Variants in MBOAT7 observed in about 807,000 individuals in gnomAD.
MBOAT7 encodes membrane-bound acylglycerophosphatidylinositol O-acyltransferase MBOAT7.
A neutral mutation model predicts 47.4 loss-of-function variants in MBOAT7; 40 were observed. The ratio of observed to expected loss-of-function variants is 0.84; its 90% CI spans 0.66 to 1.10. MBOAT7 has a LOEUF of 1.10. MBOAT7 is among the 50% of genes least tolerant of loss of function. The pLI, the probability that MBOAT7 is intolerant of heterozygous loss-of-function variation, is 0.00. For synonymous variants in MBOAT7, 361 were observed against 292.0 expected (o/e 1.24, Z -2.41); for missense variants, 680 against 655.6 (o/e 1.04, Z -0.41).
At chr19:54,177,920 T>G (rs2076156884) in intron 7 of MBOAT7, among the ~76,000 whole-genome samples, 1 of 92,680 alleles carries the variant, frequency 1.1e-5, no homozygotes, top group African/African-American at 3.5e-5. Context: ...TTTTTTTTTT[T>G]TTTTTTTTTT....
chr19:54,174,137 C>T lies in MBOAT7; in HGVS notation c.1326G>A (p.Gly442=). 1 of 1,600,618 alleles carries T rather than the reference C, an allele frequency of 6.2e-7. No homozygotes were observed. The highest frequency in any genetic ancestry group is 2.3e-5 in the East Asian group (1 of 44,432). Reference sequence around the variant, plus strand: ...TGCCCCCACCTAAAGCCAGCCCCAGCCCCAGGGCTGCCAGGGCCAGGAAGT... The same window carrying T: ...TGCCCCCACCTAAAGCCAGCCCCAGTCCCAGGGCTGCCAGGGCCAGGAAGT... The part of the protein sequence containing the change: ...CIHFLALAAL[G]LGLALGGGSP... Residue 442 remains glycine, a synonymous_variant, in exon 8 of 8, where the codon GGG becomes GGA. Coordinates refer to ENST00000245615, the MANE Select transcript of MBOAT7 (RefSeq NM_024298.5).
rs1336219987 is a variant in MBOAT7 at position 54,174,018 on chromosome 19, G to C, written c.*26C>G. 3 of 1,545,272 alleles carry C rather than the reference G, an allele frequency of 1.9e-6. No individual in the cohort carries two copies. The South Asian group carries it at 3.7e-5, about 19-fold the overall frequency. ...CTGGTTCACAGAATTCCCGGGACCA[G>C]CTGGCAGAGGGAGCGTCGTGACAGC... On this transcript the variant is annotated 3_prime_UTR_variant, in exon 8 of 8. Coordinates refer to ENST00000245615, the MANE Select transcript of MBOAT7 (RefSeq NM_024298.5).
chr19:54,178,662 C>A (rs933653755), intron 7 of MBOAT7, 103 bp downstream of exon 7: 1 of 1,497,852 alleles, frequency 6.7e-7, no homozygotes. Context: ...TTCCCATGAG[C>A]CTCCGGGGGC....
Position 54,178,950 on chromosome 19 carries a change from TG to T in MBOAT7, c.855-10del, listed in dbSNP as rs780899590. The T allele has an allele frequency of 1.9e-6, 3 of 1,609,614 alleles. No individual in the cohort carries two copies. In the African/African-American group the frequency reaches 4.0e-5, roughly 22 times the overall value. ...AAGCCGCCTTCTCCGGACTGGGGGGTGGAGGATGAGGGTGGGGGACAGACAT... is the reference window on the plus strand; with the variant it reads ...AAGCCGCCTTCTCCGGACTGGGGGGTGAGGATGAGGGTGGGGGACAGACAT... On this transcript the variant is annotated splice_polypyrimidine_tract_variant and intron_variant, in intron 6 of 7. Coordinates refer to ENST00000245615, the MANE Select transcript of MBOAT7 (RefSeq NM_024298.5).
intron 4 of MBOAT7, among the ~76,000 whole-genome samples, chr19:54,185,379 C>A (rs1334029561): frequency 1.3e-5 from 2 of 152,072 alleles, no homozygotes; most frequent in Non-Finnish European, 2.9e-5. Context: ...CTTTTTCCAT[C>A]CAGGTACCAC....
intron 4 of MBOAT7, among the ~76,000 whole-genome samples, chr19:54,184,014 C>T (rs2076359488): frequency 6.6e-6 from 1 of 152,094 alleles, no homozygotes; most frequent in Non-Finnish European, 1.5e-5. Context: ...TCTCCAGGCA[C>T]CCCAAACGCA....
chr19:54,177,832 G>C (rs1173616811), intron 7 of MBOAT7, among the ~76,000 whole-genome samples: 1 of 148,786 alleles, frequency 6.7e-6, no homozygotes, highest in Admixed American at 6.7e-5. Context: ...TGATCCACCT[G>C]CCTGGGCCTC....
At position 54,180,918 on chromosome 19, in the gene MBOAT7, CG is replaced by C; in HGVS notation, c.708del (p.Val237SerfsTer86). 6.3e-7 allele frequency: 1 copy of C among 1,598,118 alleles called. No individual in the cohort carries two copies. The highest frequency in any genetic ancestry group is 1.3e-5 in the African/African-American group (1 of 74,956). ...AAGCGCATGCGGAAGGCGAAGAAGACGGGGATCATGTAGAAGAGGCGGGCGG... is the reference window on the plus strand; with the variant it reads ...AAGCGCATGCGGAAGGCGAAGAAGACGGGATCATGTAGAAGAGGCGGGCGG... The part of the protein sequence containing the change: ...PLPARLFYMI[P>X]VFFAFRMRFY... On this transcript the variant is annotated frameshift_variant, in exon 6 of 8. Transcript: ENST00000245615. LOFTEE classifies it high-confidence loss of function. The surrounding 1 kb of genome is among the most constrained non-coding windows in gnomAD (Gnocchi z 5.2).
At chr19:54,175,075 A>C (rs1276694214) in intron 7 of MBOAT7, among the ~76,000 whole-genome samples, 9 of 148,734 alleles carry the variant, frequency 6.1e-5, no homozygotes, top group South Asian at 2.1e-4. Flanking sequence ...TCCCAGGTTC[A>C]CGCCATTCTC....
At chr19:54,182,820 C>G (rs1388331372) in intron 5 of MBOAT7, among the ~76,000 whole-genome samples, 1 of 152,052 alleles carries the variant, frequency 6.6e-6, no homozygotes, top group African/African-American at 2.4e-5. Context: ...CCAGTTTCAG[C>G]CTCCCAAGTA....
intron 7 of MBOAT7, among the ~76,000 whole-genome samples, chr19:54,177,860 C>G (rs1042829860): frequency 7.8e-5 from 11 of 141,056 alleles, no homozygotes; most frequent in Non-Finnish European, 1.2e-4. Flanking sequence ...GCTGGGATTA[C>G]AAGTGTGAGC....
intron 4 of MBOAT7, 48 bp downstream of exon 4, chr19:54,187,113 A>G: frequency 6.6e-7 from 1 of 1,519,712 alleles, no homozygotes; most frequent in African/African-American, 1.4e-5. Context: ...TGGGAGGTGA[A>G]GGGGCCCACA....
Position 54,178,945 on chromosome 19 carries a change from G to C in MBOAT7, c.855-4C>G, listed in dbSNP as rs749792902. On this transcript the variant is annotated splice_region_variant and splice_polypyrimidine_tract_variant and intron_variant, in intron 6 of 7. Coordinates refer to ENST00000245615, the MANE Select transcript of MBOAT7 (RefSeq NM_024298.5). ...CAAGGAAGCCGCCTTCTCCGGACTG[G>C]GGGGTGGAGGATGAGGGTGGGGGAC... 5.6e-5 allele frequency: 90 copies of C among 1,612,310 alleles called. No individual in the cohort carries two copies. Among genetic ancestry groups the C allele is most frequent in the Non-Finnish European group, 7.5e-5 (89 of 1,179,520 alleles).
chr19:54,189,162 C>T (rs562226100), intron 1 of MBOAT7, 176 bp downstream of exon 1: 82 of 153,718 alleles, frequency 5.3e-4, no homozygotes, highest in Admixed American at 8.5e-4. Flanking sequence ...GGCCCAGGCC[C>T]AGGCCCAGCC....
chr19:54,184,330 C>T (rs1006220773), intron 4 of MBOAT7, among the ~76,000 whole-genome samples: 9 of 151,904 alleles, frequency 5.9e-5, no homozygotes, highest in Non-Finnish European at 4.4e-5. Context: ...ATCTGCCCGC[C>T]TTGAAATCCC....
At chr19:54,187,704 C>T (rs1027439949) in intron 3 of MBOAT7, among the ~76,000 whole-genome samples, 52 of 152,104 alleles carry the variant, frequency 3.4e-4, no homozygotes, top group African/African-American at 1.1e-3. Flanking sequence ...GGACCAGACG[C>T]AGAAGGCAGG....
chr19:54,188,554 AG>A, intron 1 of MBOAT7, 43 bp from the exon 2 acceptor site: 1 of 1,532,292 alleles, frequency 6.5e-7, no homozygotes, highest in East Asian at 2.5e-5. Flanking sequence ...CCAGGAATCC[AG>A]GCCCCCTGCC....
In MBOAT7 at chr19:54,183,486, C is replaced by G. The variant is rs759153140; in HGVS notation, c.493+35G>C. On this transcript the variant is annotated intron_variant, in intron 5 of 7. Coordinates refer to ENST00000245615, the MANE Select transcript of MBOAT7 (RefSeq NM_024298.5). Reference sequence around the variant, plus strand: ...TCAGGGCGGAAGGGGACACAGGAGACAGAGCGGCAGAGTTGTTAGGGCAGC... The same window carrying G: ...TCAGGGCGGAAGGGGACACAGGAGAGAGAGCGGCAGAGTTGTTAGGGCAGC... The G allele has an allele frequency of 5.1e-5, 81 of 1,596,574 alleles. No individual in the cohort carries two copies. The South Asian group carries it at 7.6e-4, about 15-fold the overall frequency.
chr19:54,177,496 C>G (rs185389718), intron 7 of MBOAT7, among the ~76,000 whole-genome samples: 1 of 151,912 alleles, frequency 6.6e-6, no homozygotes, highest in Non-Finnish European at 1.5e-5. Context: ...AGGGTTTCAC[C>G]GTGTTAGCCA....
Sources: gnomAD v4.1 joint callset for allele counts (sites outside exome capture counted in the v4.1 genomes callset) on GRCh38, gnomAD v4.1.1 for gene constraint, Gnocchi (gnomAD v3.1) non-coding constraint, MANE v1.5 for transcripts, NCBI Gene and HGNC (gene_info 2026-07-23, HGNC 2026-07-21) for gene names.